PDGFD: variants seen among roughly 807,000 people sequenced by gnomAD.
PDGFD encodes platelet-derived growth factor D.
Under a neutral mutation model 44.7 loss-of-function variants are expected in PDGFD, and 30 were observed. The observed-to-expected ratio is 0.67, with a 90% CI of 0.50 to 0.91. The LOEUF is 0.91. PDGFD is among the 40% of genes least tolerant of loss of function. The probability of loss-of-function intolerance (pLI) is 0.00; values close to 1 mark genes in which losing one functional copy is unlikely to be tolerated. For missense variants in PDGFD, 445 were observed against 457.8 expected, an observed-to-expected ratio of 0.97 and a Z score of 0.25; for synonymous variants, 173 against 168.4, an observed-to-expected ratio of 1.03 and a Z score of -0.21.
Position 104,163,996 on chromosome 11 carries a change from GCGCCGCCCTGCGCTCT to G in PDGFD, c.-85_-70del. ...GGGTTCTGCTCCCGGGACCGACGCC[GCGCCGCCCTGCGCTCT>G]CGCCGCCTGCGCTCGCCCTGCGCTG... On this transcript the variant is annotated 5_prime_UTR_variant, in exon 1 of 7. Transcript: ENST00000393158. 7.0e-7 allele frequency: 1 copy of G among 1,435,876 alleles called. No individual in the cohort carries two copies. Among genetic ancestry groups the G allele is most frequent in the Non-Finnish European group, 9.3e-7 (1 of 1,078,624 alleles). The allele number at this position is 1,435,876 out of a possible 1,614,324, so 88.9% of individuals were successfully genotyped here.
At chr11:104,017,297 C>T (rs1565311434) in intron 1 of PDGFD, among the ~76,000 whole-genome samples, 2 of 152,088 alleles carry the variant, frequency 1.3e-5, no homozygotes, top group African/African-American at 4.8e-5. Context: ...CTTGAGCGGA[C>T]TAAGGTACCC....
chr11:104,022,288 CT>C (rs1161275821), intron 1 of PDGFD, among the ~76,000 whole-genome samples: 2 of 152,096 alleles, frequency 1.3e-5, no homozygotes, highest in African/African-American at 4.8e-5. Context: ...CCTTCGTGTT[CT>C]TCCTTCAAGT....
intron 1 of PDGFD, among the ~76,000 whole-genome samples, chr11:104,032,224 T>C (rs1860138854): frequency 6.6e-6 from 1 of 152,056 alleles, no homozygotes; most frequent in South Asian, 2.1e-4. Flanking sequence ...AATAAATAAA[T>C]AACTATCCAA....
chr11:103,943,768 T>A, intron 4 of PDGFD, 118 bp from the exon 5 acceptor site: 1 of 755,362 alleles, frequency 1.3e-6, no homozygotes, highest in East Asian at 2.7e-5. Flanking sequence ...CATCATACGT[T>A]TGAATGCTAT....
intron 1 of PDGFD, among the ~76,000 whole-genome samples, chr11:104,043,273 G>C (rs1391911869): frequency 6.6e-6 from 1 of 152,166 alleles, no homozygotes. Flanking sequence ...ACCATTTTAG[G>C]TGATGGATTT....
chr11:104,085,605 A>G (rs1358770194), intron 1 of PDGFD, among the ~76,000 whole-genome samples: 1 of 152,226 alleles, frequency 6.6e-6, no homozygotes, highest in African/African-American at 2.4e-5. Flanking sequence ...AGAAATAGCA[A>G]TAACAAACCC....
intron 1 of PDGFD, among the ~76,000 whole-genome samples, chr11:104,120,019 A>G (rs1448299633): frequency 2.1e-5 from 3 of 145,452 alleles, no homozygotes; most frequent in Non-Finnish European, 4.5e-5. Context: ...ATTATCTATT[A>G]TATATAAAAA....
At chr11:104,163,649 G>T (rs1460070661) in intron 1 of PDGFD, among the ~76,000 whole-genome samples, 155 bp downstream of exon 1, 2 of 152,096 alleles carry the variant, frequency 1.3e-5, no homozygotes, top group Non-Finnish European at 2.9e-5. Flanking sequence ...GCTCTCTCAG[G>T]ACTGGATACA....
chr11:104,159,535 A>G (rs1862359668), intron 1 of PDGFD, among the ~76,000 whole-genome samples: 1 of 152,230 alleles, frequency 6.6e-6, no homozygotes, highest in Admixed American at 6.5e-5. Context: ...TTAAGGACAG[A>G]GACAGAAATA....
At chr11:104,070,183 T>C (rs987288485) in intron 1 of PDGFD, among the ~76,000 whole-genome samples, 16 of 152,204 alleles carry the variant, frequency 1.1e-4, no homozygotes, top group African/African-American at 3.6e-4. Flanking sequence ...TCCAAGAAGC[T>C]TTTTGGTCAT....
chr11:104,134,698 G>A (rs187222939), intron 1 of PDGFD, among the ~76,000 whole-genome samples: 4 of 152,266 alleles, frequency 2.6e-5, no homozygotes, highest in Admixed American at 6.5e-5. Context: ...TTAAGAACAC[G>A]AAGATGTCTC....
At chr11:104,076,394 G>A (rs1860958841) in intron 1 of PDGFD, among the ~76,000 whole-genome samples, 1 of 152,122 alleles carries the variant, frequency 6.6e-6, no homozygotes, top group African/African-American at 2.4e-5. Flanking sequence ...TTTAGTTTAT[G>A]CACCTTCAAA....
At chr11:103,961,269 C>T (rs1171411721) in intron 3 of PDGFD, among the ~76,000 whole-genome samples, 1 of 152,060 alleles carries the variant, frequency 6.6e-6, no homozygotes, top group Non-Finnish European at 1.5e-5. Context: ...AGCATATTGG[C>T]TGTTACATAG....
At chr11:104,116,536 A>G (rs1861640809) in intron 1 of PDGFD, among the ~76,000 whole-genome samples, 2 of 151,312 alleles carry the variant, frequency 1.3e-5, no homozygotes, top group South Asian at 4.2e-4. Context: ...TCATTCTATG[A>G]AGCCAGTATT....
chr11:103,976,811 G>T (rs571333842), intron 3 of PDGFD, among the ~76,000 whole-genome samples: 1 of 152,032 alleles, frequency 6.6e-6, no homozygotes, highest in East Asian at 1.9e-4. Context: ...AAATCATGTG[G>T]TTTTTTGTCA....
In PDGFD at chr11:104,046,590, G is replaced by A. The variant is rs574339949; in HGVS notation, c.125-46335C>T. ...CAAAGCCTCACTGCATAATGACTCC[G>A]AAGTATCTGGTTTGCAAATGTCTTC... is the stretch of plus-strand genomic sequence containing the variant. On this transcript the variant is annotated intron_variant, in intron 1 of 6. Transcript: ENST00000393158. 6.8e-5 allele frequency among the ~76,000 whole-genome samples: 10 copies of A among 147,230 alleles called. 1 individual carries two copies. The South Asian group carries it at 7.0e-4, about 10-fold the overall frequency.
chr11:104,022,944 T>A (rs1049456522), intron 1 of PDGFD, among the ~76,000 whole-genome samples: 1 of 152,130 alleles, frequency 6.6e-6, no homozygotes, highest in Non-Finnish European at 1.5e-5. Context: ...GTTTATTGTT[T>A]GCACTTCTAG....
intron 3 of PDGFD, among the ~76,000 whole-genome samples, chr11:103,984,242 A>G (rs1859318461): frequency 6.6e-6 from 1 of 151,734 alleles, no homozygotes; most frequent in Admixed American, 6.6e-5. Flanking sequence ...AAAAAGAATG[A>G]CACCACATCC....
intron 1 of PDGFD, among the ~76,000 whole-genome samples, chr11:104,150,218 T>C (rs1253430689): frequency 6.6e-6 from 1 of 152,152 alleles, no homozygotes; most frequent in Non-Finnish European, 1.5e-5. Context: ...TATAATATAA[T>C]GAAATAGGAC....
Sources: allele counts gnomAD v4.1 joint callset (sites outside exome capture counted in the v4.1 genomes callset), GRCh38; gene constraint gnomAD v4.1.1; transcripts MANE v1.5; gene names NCBI Gene and HGNC (gene_info 2026-07-23, HGNC 2026-07-21).